PRORP: variants seen among roughly 807,000 people sequenced by gnomAD.
PRORP encodes the protein protein only RNase P catalytic subunit, also known as mitochondrial ribonuclease P catalytic subunit.
In PRORP, 51 loss-of-function variants were observed where a neutral mutation model predicts 59.4. The observed-to-expected ratio is 0.86, with a 90% CI of 0.69 to 1.08. The LOEUF (loss-of-function observed/expected upper bound fraction) is 1.08, where lower values mean the gene tolerates loss of function less well. Ranked by LOEUF, PRORP falls within the 50% of genes least tolerant of loss-of-function variation. The probability of loss-of-function intolerance (pLI) is 0.00; values close to 1 mark genes in which losing one functional copy is unlikely to be tolerated. For missense variants in PRORP, 646 were observed against 690.3 expected (o/e 0.94, Z 0.72); for synonymous variants, 231 against 245.6 (o/e 0.94, Z 0.55).
chr14:35,254,987 C>G (rs1287794458), intron 5 of PRORP, among the ~76,000 whole-genome samples: 1 of 152,134 alleles, frequency 6.6e-6, no homozygotes, highest in Non-Finnish European at 1.5e-5. Context: ...GCTGTCACTT[C>G]CTCTGTGGTG....
In PRORP at chr14:35,143,590, C is replaced by A. The variant is rs775494461; in HGVS notation, c.1167+15979C>A. ...AAGAGTACATTGTATTACATTTTTG[C>A]AGGTCTTTTAAATAATATGGCTTAA... On this transcript the variant is annotated intron_variant, in intron 4 of 7. Coordinates refer to ENST00000534898, the MANE Select transcript of PRORP (RefSeq NM_014672.4). Among the ~76,000 whole-genome samples the A allele has an allele frequency of 2.7e-5, 4 of 145,954 alleles. 1 individual carries two copies. The highest frequency in any genetic ancestry group is 6.1e-5 in the Non-Finnish European group (4 of 65,614).
intron 5 of PRORP, among the ~76,000 whole-genome samples, chr14:35,244,922 G>GAGGAAGGGGCA (rs75096844): frequency 0.53 from 80,893 of 151,564 alleles, 23,220 homozygotes; most frequent in East Asian, 0.75. Flanking sequence ...CTAGCTGTGT[G>GAGGAAGGGGCA]AGGAAGGGGC....
intron 4 of PRORP, among the ~76,000 whole-genome samples, chr14:35,143,627 T>C (rs2047534102): frequency 6.9e-6 from 1 of 145,300 alleles, no homozygotes; most frequent in Non-Finnish European, 1.5e-5. Context: ...AAAAGACAGA[T>C]AGTTTTTGTT....
intron 5 of PRORP, among the ~76,000 whole-genome samples, chr14:35,241,761 A>T (rs988090076): frequency 2.0e-5 from 3 of 151,192 alleles, no homozygotes; most frequent in Non-Finnish European, 2.9e-5. Context: ...TGCACTGTAC[A>T]CTCCACTGGT....
chr14:35,230,295 A>AC (rs1251017073), intron 5 of PRORP, among the ~76,000 whole-genome samples: 21 of 152,022 alleles, frequency 1.4e-4, no homozygotes, highest in African/African-American at 5.1e-4. Context: ...CAAGCAATCC[A>AC]CCCGCCTTGG....
rs757761359 is a variant in PRORP, at chr14:35,145,854, G to GT, written c.1167+18247dup. ...TTATTTTTTTATTTTTTGAGACAGA[G>GT]TTTTGTTCTTGTTGCCCAGGCTAGA... On this transcript the variant is annotated intron_variant, in intron 4 of 7. Transcript: ENST00000534898. 4.6e-4 allele frequency among the ~76,000 whole-genome samples: 49 copies of GT among 106,142 alleles called. 10 individuals carry two copies. Among genetic ancestry groups the GT allele is most frequent in the Non-Finnish European group, 9.3e-4 (46 of 49,364 alleles). The allele number at this position is 106,142 out of a possible 152,430, so 69.6% of individuals were successfully genotyped here. A position where few individuals can be genotyped will look rare whatever the true frequency, so the allele number is the denominator to read the frequency against.
At chr14:35,149,198 C>T (rs1179610922) in intron 4 of PRORP, among the ~76,000 whole-genome samples, 1 of 151,414 alleles carries the variant, frequency 6.6e-6, no homozygotes, top group East Asian at 1.9e-4. Flanking sequence ...GGATTACAAG[C>T]GTGAGCCACC....
In PRORP at chr14:35,127,625, G is replaced by A. The variant is rs1447463411; in HGVS notation, c.1167+14G>A. 2.5e-6 allele frequency: 4 copies of A among 1,613,424 alleles called. No individual in the cohort carries two copies. The highest frequency in any genetic ancestry group is 3.4e-6 in the Non-Finnish European group (4 of 1,179,812). ...ACAACACCTCAGGTGAGTCTAACAA[G>A]TTTTATTTCTTCTTGGATTGCTTGT... is the stretch of plus-strand genomic sequence containing the variant. On this transcript the variant is annotated intron_variant, in intron 4 of 7. Transcript: ENST00000534898.
chr14:35,235,510 C>A, intron 5 of PRORP: 1 of 601,834 alleles, frequency 1.7e-6, no homozygotes. Context: ...GTGCAGTCAC[C>A]ACCAGCTGAG....
intron 5 of PRORP, among the ~76,000 whole-genome samples, chr14:35,212,448 T>C (rs1467879661): frequency 1.3e-5 from 2 of 152,232 alleles, no homozygotes; most frequent in Admixed American, 1.3e-4. Context: ...TTTGAAAGTG[T>C]AAATTACTCC....
At chr14:35,146,031 A>G (rs1031191074) in intron 4 of PRORP, among the ~76,000 whole-genome samples, 32 of 151,766 alleles carry the variant, frequency 2.1e-4, no homozygotes, top group African/African-American at 6.1e-4. Flanking sequence ...GGGTTTCACC[A>G]TGTTGGCCAG....
intron 5 of PRORP, chr14:35,262,562 A>G: frequency 2.9e-6 from 2 of 692,056 alleles, no homozygotes; most frequent in South Asian, 1.4e-5. Context: ...GGAACCCTGC[A>G]GAGGGATTTC....
At chr14:35,248,966 G>A (rs567972014) in intron 5 of PRORP, among the ~76,000 whole-genome samples, 1 of 152,106 alleles carries the variant, frequency 6.6e-6, no homozygotes, top group Non-Finnish European at 1.5e-5. Context: ...ATTTTGTGGC[G>A]AGCACAATGC....
intron 4 of PRORP, among the ~76,000 whole-genome samples, chr14:35,153,221 C>G (rs904369119): frequency 2.2e-4 from 33 of 152,230 alleles, no homozygotes; most frequent in African/African-American, 8.0e-4. Flanking sequence ...AACCCCGTCT[C>G]CACCAAAAAA....
intron 4 of PRORP, chr14:35,158,134 C>G (rs1314090517): frequency 3.6e-6 from 1 of 279,052 alleles, no homozygotes; most frequent in African/African-American, 2.2e-5. Context: ...AACACCTGCT[C>G]CATTTCCAGC....
chr14:35,152,547 C>T (rs2047788472), intron 4 of PRORP, among the ~76,000 whole-genome samples: 1 of 146,894 alleles, frequency 6.8e-6, no homozygotes, highest in South Asian at 2.1e-4. Flanking sequence ...GGGGCAGCGG[C>T]CGGGTGGAGG....
At chr14:35,122,659 T>G (rs2046956390) in intron 1 of PRORP, 24 bp downstream of exon 1, 1 of 155,850 alleles carries the variant, frequency 6.4e-6, no homozygotes, top group Admixed American at 6.2e-5. Context: ...GCAGCGCCCT[T>G]CCTGTACCTC....
intron 4 of PRORP, among the ~76,000 whole-genome samples, chr14:35,140,038 C>T (rs1204599810): frequency 6.9e-6 from 1 of 145,398 alleles, no homozygotes; most frequent in Admixed American, 7.2e-5. Context: ...GGATTTAGAG[C>T]CCACCCTAAT....
At chr14:35,162,024 G>A (rs1376508482) in intron 4 of PRORP, among the ~76,000 whole-genome samples, 1 of 151,910 alleles carries the variant, frequency 6.6e-6, no homozygotes, top group Non-Finnish European at 1.5e-5. Flanking sequence ...TTGAAAAATA[G>A]GTTATCTTCT....
Sources: gnomAD v4.1 joint callset for allele counts (sites outside exome capture counted in the v4.1 genomes callset) on GRCh38, gnomAD v4.1.1 for gene constraint, MANE v1.5 for transcripts, NCBI Gene and HGNC (gene_info 2026-07-23, HGNC 2026-07-21) for gene names.